ZBTB20: variants seen among roughly 807,000 people sequenced by gnomAD.
ZBTB20 encodes the protein zinc finger and BTB domain containing 20, also known as zinc finger and BTB domain-containing protein 20.
ZBTB20 carries 9 observed loss-of-function variants against 56.9 expected under a neutral mutation model. The ratio of observed to expected loss-of-function variants is 0.16; its 90% CI spans 0.10 to 0.28. The LOEUF (loss-of-function observed/expected upper bound fraction) is 0.28. ZBTB20 is among the 10% of genes least tolerant of loss of function. The pLI is 1.00. For synonymous variants in ZBTB20, 417 were observed against 420.7 expected (o/e 0.99, Z 0.11); for missense variants, 655 against 1,003.0 (o/e 0.65, Z 4.69).
chr3:114,799,612 G>A (rs1229613348), intron 5 of ZBTB20, among the ~76,000 whole-genome samples: 1 of 151,920 alleles, frequency 6.6e-6, no homozygotes, highest in East Asian at 1.9e-4. Flanking sequence ...TGTGCCAAGG[G>A]TTAGAAATTA....
At chr3:115,100,774 A>G (rs1013138644) in intron 1 of ZBTB20, among the ~76,000 whole-genome samples, 1 of 152,208 alleles carries the variant, frequency 6.6e-6, no homozygotes, top group African/African-American at 2.4e-5. Flanking sequence ...TATTTGTGCA[A>G]TCTTTTAAAT....
chr3:114,399,436 A>G (rs2086623501), intron 7 of ZBTB20, among the ~76,000 whole-genome samples: 1 of 152,224 alleles, frequency 6.6e-6, no homozygotes, highest in Non-Finnish European at 1.5e-5. Context: ...TTTCATAAAT[A>G]TAAAATTCTG....
chr3:114,950,917 T>G (rs981611002), intron 3 of ZBTB20, among the ~76,000 whole-genome samples: 1 of 152,088 alleles, frequency 6.6e-6, no homozygotes, highest in African/African-American at 2.4e-5. Flanking sequence ...AGAAACATAA[T>G]GTGAGCACAA....
At chr3:114,866,913 C>T (rs1277604269) in intron 4 of ZBTB20, among the ~76,000 whole-genome samples, 1 of 152,146 alleles carries the variant, frequency 6.6e-6, no homozygotes, top group African/African-American at 2.4e-5. Flanking sequence ...TGAGCTTCCA[C>T]AGTCATGTGA....
intron 7 of ZBTB20, among the ~76,000 whole-genome samples, chr3:114,450,742 T>C (rs1576816619): frequency 6.6e-6 from 1 of 152,236 alleles, no homozygotes; most frequent in Middle Eastern, 3.4e-3. Flanking sequence ...TATTTTTCTT[T>C]TGCTAACTAA....
At chr3:114,662,222 A>G (rs184312658) in intron 6 of ZBTB20, among the ~76,000 whole-genome samples, 46 of 152,150 alleles carry the variant, frequency 3.0e-4, no homozygotes, top group Non-Finnish European at 4.6e-4. Flanking sequence ...TGTCCCTACA[A>G]AGGATACGAA....
intron 10 of ZBTB20, among the ~76,000 whole-genome samples, chr3:114,357,872 A>G (rs2081412816): frequency 6.6e-6 from 1 of 152,242 alleles, no homozygotes; most frequent in Non-Finnish European, 1.5e-5. Context: ...TCTTGGCCAA[A>G]ATGAGAAAAG....
Position 114,350,518 on chromosome 3 carries a change from G to A in ZBTB20, c.1560C>T (p.Gly520=). ...ALFTTQPAGS[G]PKPFLFSLPQ... is the part of the protein sequence containing the mutation. ...GCAGGCTGAAGAGGAAAGGCTTGGG[G>A]CCACTGCCCGCGGGCTGGGTAGTGA... The change falls in exon 11 of 12, where the codon GGC becomes GGT. Residue 520 remains glycine (G), a synonymous_variant. Transcript: ENST00000675478. 4 of 1,614,118 alleles carry A rather than the reference G, an allele frequency of 2.5e-6. No individual in the cohort carries two copies. The highest frequency in any genetic ancestry group is 3.4e-6 in the Non-Finnish European group (4 of 1,180,020).
chr3:114,750,167 C>T (rs887594228), intron 5 of ZBTB20, among the ~76,000 whole-genome samples: 1 of 152,102 alleles, frequency 6.6e-6, no homozygotes, highest in African/African-American at 2.4e-5. Context: ...TCATAAAGAC[C>T]TTCTATCATA....
intron 6 of ZBTB20, among the ~76,000 whole-genome samples, chr3:114,587,325 T>A (rs1181178119): frequency 6.6e-6 from 1 of 151,976 alleles, no homozygotes; most frequent in East Asian, 1.9e-4. Flanking sequence ...TTAAAGAACA[T>A]AACAGAATGA....
At chr3:114,628,770 T>A (rs947142747) in intron 6 of ZBTB20, among the ~76,000 whole-genome samples, 5 of 152,222 alleles carry the variant, frequency 3.3e-5, no homozygotes, top group African/African-American at 1.2e-4. Flanking sequence ...TGATACAGGA[T>A]CTCATATTTC....
At chr3:114,633,300 A>G (rs2059070423) in intron 6 of ZBTB20, among the ~76,000 whole-genome samples, 1 of 152,166 alleles carries the variant, frequency 6.6e-6, no homozygotes, top group South Asian at 2.1e-4. Flanking sequence ...GGAGTCCCCA[A>G]GTTTTTTCAA....
At chr3:115,020,618 GAT>G (rs2080165376) in intron 2 of ZBTB20, among the ~76,000 whole-genome samples, 1 of 150,968 alleles carries the variant, frequency 6.6e-6, no homozygotes, top group South Asian at 2.1e-4. Context: ...GATGATAAAA[GAT>G]AAAATCTAGA....
At position 114,971,479 on chromosome 3, in the gene ZBTB20, C is replaced by T. The variant is rs955831727; in HGVS notation, c.-456+2887G>A. Among the ~76,000 whole-genome samples, 40 of 152,070 alleles carry T rather than the reference C, an allele frequency of 2.6e-4. 1 individual carries two copies. Among genetic ancestry groups the T allele is most frequent in the Admixed American group, 2.3e-3 (35 of 15,274 alleles). On this transcript the variant is annotated intron_variant, in intron 3 of 11. Transcript: ENST00000675478. ...TCTCAACAAAAAATAGATAAAAGTG[C>T]GGATTGTAAAATAGGTGTTAATAAT...
intron 5 of ZBTB20, among the ~76,000 whole-genome samples, chr3:114,742,444 G>A (rs967801352): frequency 1.3e-5 from 2 of 152,118 alleles, no homozygotes; most frequent in Admixed American, 1.3e-4. Flanking sequence ...TAAGGAAACT[G>A]AGGTGCATTA....
chr3:114,749,803 A>G lies in ZBTB20; in HGVS notation c.-343+51298T>C, dbSNP rs900006497. 4.2e-4 allele frequency among the ~76,000 whole-genome samples: 64 copies of G among 152,168 alleles called. 1 individual carries two copies. Among genetic ancestry groups the G allele is most frequent in the Admixed American group, 1.3e-3 (20 of 15,278 alleles). Reference sequence around the variant, plus strand: ...AGTCATTTAGCCTCTCTAGGTCAAGATTTTCTTACCTATTAAATGAAGATA... The same window carrying G: ...AGTCATTTAGCCTCTCTAGGTCAAGGTTTTCTTACCTATTAAATGAAGATA... On this transcript the variant is annotated intron_variant, in intron 5 of 11. Coordinates refer to ENST00000675478, the MANE Select transcript of ZBTB20 (RefSeq NM_001348800.3).
At chr3:114,415,245 C>G (rs2088417421) in intron 7 of ZBTB20, among the ~76,000 whole-genome samples, 1 of 152,018 alleles carries the variant, frequency 6.6e-6, no homozygotes. Flanking sequence ...GTTAACTGAA[C>G]TAAAGGAACT....
chr3:114,983,477 T>C (rs2078413021), intron 2 of ZBTB20, among the ~76,000 whole-genome samples: 1 of 151,962 alleles, frequency 6.6e-6, no homozygotes, highest in Non-Finnish European at 1.5e-5. Flanking sequence ...GTCTTCATAT[T>C]TCATGGTCAA....
intron 7 of ZBTB20, among the ~76,000 whole-genome samples, chr3:114,433,204 C>T (rs1027168911): frequency 1.3e-5 from 2 of 152,182 alleles, no homozygotes; most frequent in African/African-American, 4.8e-5. Flanking sequence ...AGTTAAAAGT[C>T]ATGACCACGT....
Sources: allele counts gnomAD v4.1 joint callset (sites outside exome capture counted in the v4.1 genomes callset), GRCh38; gene constraint gnomAD v4.1.1; transcripts MANE v1.5; gene names NCBI Gene and HGNC (gene_info 2026-07-23, HGNC 2026-07-21).